EBF1: variants seen among roughly 807,000 people sequenced by gnomAD.
The protein encoded by EBF1 is transcription factor COE1.
In EBF1, 10 loss-of-function variants were observed where a neutral mutation model predicts 68.4. The ratio of observed to expected loss-of-function variants is 0.15; its 90% CI spans 0.09 to 0.25. EBF1 has a LOEUF of 0.25. Among genes scored for constraint, EBF1 ranks in the 10% least tolerant of loss-of-function variants. The pLI, the probability that EBF1 is intolerant of heterozygous loss-of-function variation, is 1.00. For synonymous variants in EBF1, 298 were observed against 299.8 expected (o/e 0.99, Z 0.06); for missense variants, 509 against 794.4 (o/e 0.64, Z 4.32).
In EBF1 at chr5:158,796,331, C is replaced by G. The variant is rs369452925; in HGVS notation, c.909+14G>C. ...GATCAAGCTATTAGATATTAATGTTCAGACAACACCTACCTCACTCCAGAC... is the reference window on the plus strand; with the variant it reads ...GATCAAGCTATTAGATATTAATGTTGAGACAACACCTACCTCACTCCAGAC... On this transcript the variant is annotated intron_variant, in intron 9 of 15. Coordinates refer to ENST00000313708, the MANE Select transcript of EBF1 (RefSeq NM_024007.5). The G allele has an allele frequency of 2.5e-6, 4 of 1,605,098 alleles. No homozygotes were observed. Among genetic ancestry groups the G allele is most frequent in the Admixed American group, 1.7e-5 (1 of 59,060 alleles).
At chr5:158,827,172 T>G (rs1786350028) in intron 7 of EBF1, among the ~76,000 whole-genome samples, 1 of 152,192 alleles carries the variant, frequency 6.6e-6, no homozygotes, top group Admixed American at 6.5e-5. Flanking sequence ...TGGGTGATGT[T>G]AAACAAGAAG....
chr5:158,938,099 T>C (rs774169983), intron 6 of EBF1, among the ~76,000 whole-genome samples: 3 of 152,254 alleles, frequency 2.0e-5, no homozygotes, highest in Non-Finnish European at 2.9e-5. Context: ...GGAATCTTGA[T>C]ATTTTTGTTT....
chr5:158,830,645 G>C (rs1289892464), intron 7 of EBF1, among the ~76,000 whole-genome samples: 1 of 152,146 alleles, frequency 6.6e-6, no homozygotes, highest in African/African-American at 2.4e-5. Context: ...CAAATCTATG[G>C]TGCCTGTGTG....
chr5:159,028,210 T>C (rs879391966), intron 6 of EBF1, among the ~76,000 whole-genome samples: 1 of 152,084 alleles, frequency 6.6e-6, no homozygotes. Flanking sequence ...GGATCAAACC[T>C]CATGAGTGGC....
rs537234260 is a variant in EBF1 at position 158,814,304 on chromosome 5, C to G, written c.778+8872G>C. Among the ~76,000 whole-genome samples, 3 of 152,278 alleles carry G rather than the reference C, an allele frequency of 2.0e-5. No individual in the cohort carries two copies. In the South Asian group the frequency reaches 6.2e-4, roughly 32 times the overall value. The stretch of plus-strand genomic sequence containing the variant: ...GCTAAAGTGAGCTATGATTGCACCA[C>G]TGCACTTCATAGCCTGGGCAACAGA... On this transcript the variant is annotated intron_variant, in intron 8 of 15. Transcript: ENST00000313708.
intron 6 of EBF1, among the ~76,000 whole-genome samples, chr5:158,856,683 C>T (rs1179366473): frequency 6.6e-6 from 1 of 152,228 alleles, no homozygotes; most frequent in East Asian, 1.9e-4. Flanking sequence ...CCCATCCACT[C>T]ACCCTGCCTC....
intron 6 of EBF1, among the ~76,000 whole-genome samples, chr5:158,968,313 G>A (rs987018132): frequency 6.6e-6 from 1 of 152,158 alleles, no homozygotes; most frequent in Admixed American, 6.5e-5. Context: ...GTCCTGGTAG[G>A]GGTAATGCAT....
At chr5:159,072,256 T>C (rs1321041756) in intron 6 of EBF1, among the ~76,000 whole-genome samples, 1 of 152,180 alleles carries the variant, frequency 6.6e-6, no homozygotes, top group Non-Finnish European at 1.5e-5. Flanking sequence ...TTCTTGGCAA[T>C]CAATTGGGTT....
intron 7 of EBF1, among the ~76,000 whole-genome samples, chr5:158,830,774 C>A (rs965772526): frequency 6.6e-6 from 1 of 152,180 alleles, no homozygotes; most frequent in Admixed American, 6.5e-5. Context: ...AGAAATGTTC[C>A]TGATTGCTAG....
intron 6 of EBF1, among the ~76,000 whole-genome samples, chr5:158,927,499 C>CT (rs1189593492): frequency 1.3e-5 from 2 of 152,190 alleles, no homozygotes; most frequent in African/African-American, 4.8e-5. Flanking sequence ...AAGTACACAG[C>CT]TTATCATTTT....
At chr5:158,771,768 G>A (rs1422397768) in intron 10 of EBF1, among the ~76,000 whole-genome samples, 1 of 152,108 alleles carries the variant, frequency 6.6e-6, no homozygotes, top group Non-Finnish European at 1.5e-5. Flanking sequence ...GTTACAGGGA[G>A]CACCAAAGTC....
intron 15 of EBF1, among the ~76,000 whole-genome samples, chr5:158,704,331 C>A (rs1757402210): frequency 6.6e-6 from 1 of 152,170 alleles, no homozygotes; most frequent in Non-Finnish European, 1.5e-5. Context: ...GGGAAGAGGT[C>A]TTTTAGGAGT....
intron 6 of EBF1, among the ~76,000 whole-genome samples, chr5:158,933,225 A>T (rs1308383551): frequency 1.4e-5 from 2 of 143,150 alleles, no homozygotes; most frequent in African/African-American, 5.8e-5. Context: ...CTGTTTTTCA[A>T]AAAAAAAAAA....
At chr5:159,004,806 G>C (rs1323018350) in intron 6 of EBF1, among the ~76,000 whole-genome samples, 1 of 152,134 alleles carries the variant, frequency 6.6e-6, no homozygotes, top group Non-Finnish European at 1.5e-5. Flanking sequence ...TGATAAGCTT[G>C]AGGTGGAAGT....
intron 4 of EBF1, among the ~76,000 whole-genome samples, chr5:159,092,835 G>C (rs1781904351): frequency 6.6e-6 from 1 of 151,960 alleles, no homozygotes; most frequent in Non-Finnish European, 1.5e-5. Flanking sequence ...GACCAGAAGT[G>C]TTTCATTCTG....
At chr5:158,847,756 G>A (rs1179885940) in intron 6 of EBF1, among the ~76,000 whole-genome samples, 1 of 152,194 alleles carries the variant, frequency 6.6e-6, no homozygotes, top group Non-Finnish European at 1.5e-5. Flanking sequence ...TGTCCTTCTT[G>A]GAACTGGGGA....
chr5:158,784,232 T>G (rs1189088420), intron 9 of EBF1, among the ~76,000 whole-genome samples: 2 of 152,204 alleles, frequency 1.3e-5, no homozygotes, highest in Admixed American at 1.3e-4. Flanking sequence ...TCAGGAAAGT[T>G]AAGAAATATG....
rs146009481 is a variant in EBF1 at position 158,772,327 on chromosome 5, T to G, written c.1036+5086A>C. 6.6e-4 allele frequency among the ~76,000 whole-genome samples: 101 copies of G among 152,254 alleles called. 1 individual carries two copies. The highest frequency in any genetic ancestry group is 3.4e-3 in the Middle Eastern group (1 of 294). ...AAGAATGAGAAACAGAGATTTCTGG[T>G]GAAAACTCTGGAAGCTGGAGTTGAA... On this transcript the variant is annotated intron_variant, in intron 10 of 15. Transcript: ENST00000313708.
rs934849355 is a variant in EBF1 at position 158,696,836 on chromosome 5, T to C, written c.*2275A>G. ...TGTTGTAAATGATTTCTTGCTCTAC[T>C]AGAAAAAGTTACATTGTCTTAAGGT... On this transcript the variant is annotated 3_prime_UTR_variant, in exon 16 of 16. Transcript: ENST00000313708. 5.1e-6 allele frequency: 1 copy of C among 195,522 alleles called. No individual in the cohort carries two copies. Among genetic ancestry groups the C allele is most frequent in the Admixed American group, 6.1e-5 (1 of 16,420 alleles). 12.1% of individuals were successfully genotyped at this position (195,522 alleles called of 1,614,324 possible).
Sources: allele counts gnomAD v4.1 joint callset (sites outside exome capture counted in the v4.1 genomes callset), GRCh38; gene constraint gnomAD v4.1.1; transcripts MANE v1.5; gene names NCBI Gene and HGNC (gene_info 2026-07-23, HGNC 2026-07-21).